The following INTS7 variants were observed in gnomAD, a reference collection of about 807,000 sequenced individuals.
INTS7 encodes chromosome 1 open reading frame 73.
Under a neutral mutation model 109.2 loss-of-function variants are expected in INTS7, and 46 were observed. The observed-to-expected ratio is 0.42, with a 90% CI of 0.33 to 0.54. INTS7 has a LOEUF of 0.54. INTS7 is among the 20% of genes least tolerant of loss of function. INTS7 has a pLI of 0.07. For missense variants in INTS7, 929 were observed against 1,132.4 expected (o/e 0.82, Z 2.58); for synonymous variants, 412 against 402.9 (o/e 1.02, Z -0.27).
intron 4 of INTS7, among the ~76,000 whole-genome samples, chr1:212,015,590 G>A (rs1666392379): frequency 6.6e-6 from 1 of 151,694 alleles, no homozygotes; most frequent in Admixed American, 6.6e-5. Context: ...AGGGTCCTCT[G>A]CCTAGGAAAA....
chr1:211,968,749 C>T (rs763731612), intron 13 of INTS7, 42 bp from the exon 14 acceptor site: 1 of 1,523,638 alleles, frequency 6.6e-7, no homozygotes, highest in Admixed American at 1.9e-5. Flanking sequence ...ACAAAGTAAA[C>T]AGAACAGTGA....
intron 1 of INTS7, among the ~76,000 whole-genome samples, chr1:212,032,230 G>A (rs1333343213): frequency 2.6e-5 from 4 of 151,976 alleles, no homozygotes; most frequent in Admixed American, 2.0e-4. Context: ...TCACCATCTC[G>A]GTCTAAGCCA....
chr1:212,023,565 C>T (rs1666798407), intron 1 of INTS7, among the ~76,000 whole-genome samples: 1 of 152,008 alleles, frequency 6.6e-6, no homozygotes, highest in East Asian at 1.9e-4. Flanking sequence ...AATGCTTTTT[C>T]ATGTCCTTTG....
chr1:211,944,745 TA>T (rs748585636), intron 19 of INTS7, 38 bp downstream of exon 19: 5 of 1,539,732 alleles, frequency 3.2e-6, no homozygotes, highest in Non-Finnish European at 4.5e-6. Flanking sequence ...TGAGCTCATA[TA>T]AAACCTGTAT....
At chr1:212,021,980 TTA>T (rs1294157145) in intron 1 of INTS7, among the ~76,000 whole-genome samples, 1 of 152,102 alleles carries the variant, frequency 6.6e-6, no homozygotes, top group Admixed American at 6.5e-5. Flanking sequence ...CAAGGAACAT[TTA>T]TAACATTGAA....
intron 3 of INTS7, among the ~76,000 whole-genome samples, chr1:212,017,558 T>C (rs1427024184): frequency 6.6e-6 from 1 of 152,206 alleles, no homozygotes; most frequent in African/African-American, 2.4e-5. Flanking sequence ...GTGCAGAAGG[T>C]AAAGCTTGGA....
chr1:212,021,739 T>C (rs1666718423), intron 1 of INTS7, among the ~76,000 whole-genome samples: 1 of 150,256 alleles, frequency 6.7e-6, no homozygotes, highest in South Asian at 2.1e-4. Flanking sequence ...ACCCAGCTAC[T>C]GAGGAGGCTG....
intron 13 of INTS7, among the ~76,000 whole-genome samples, chr1:211,973,899 G>T (rs974202752): frequency 9.2e-5 from 14 of 152,228 alleles, no homozygotes; most frequent in African/African-American, 3.1e-4. Context: ...CCAAAGTCAC[G>T]CTGTGTTAAT....
chr1:211,963,439 T>G (rs1571854235), intron 16 of INTS7, among the ~76,000 whole-genome samples: 1 of 152,042 alleles, frequency 6.6e-6, no homozygotes, highest in African/African-American at 2.4e-5. Flanking sequence ...CCAGTCCTAC[T>G]GAAGCTTTTC....
In INTS7 at chr1:211,978,327, A is replaced by C. The variant is rs770991873; in HGVS notation, c.1415T>G (p.Met472Arg). ...VLGDGMLGDL[M>R]ELYKVIGRSA... is the part of the protein sequence containing the mutation. ...TCGTCCAATCACCTTGTACAGCTCC[A>C]TGAGGTCACCAAGCATCCCATCACC... The change falls in exon 11 of 20, where the codon ATG (methionine) becomes AGG (arginine). Residue 472 changes from methionine to arginine, a missense_variant. By Grantham distance (91) the Met-to-Arg change is moderately conservative. Around this residue, in one of 2 missense-constraint regions of INTS7, gnomAD observed 787 missense variants for 901.1 expected, o/e 0.87. Transcript: ENST00000366994. 1 of 1,614,168 alleles carries C rather than the reference A, an allele frequency of 6.2e-7. No individual in the cohort carries two copies. Among genetic ancestry groups the C allele is most frequent in the Non-Finnish European group, 8.5e-7 (1 of 1,179,994 alleles).
chr1:212,024,975 C>T (rs984936378), intron 1 of INTS7, among the ~76,000 whole-genome samples: 3 of 152,170 alleles, frequency 2.0e-5, no homozygotes, highest in Non-Finnish European at 2.9e-5. Flanking sequence ...ATCCTAAATG[C>T]GCAACTAGAC....
chr1:212,012,371 GA>G (rs899870553), intron 4 of INTS7, among the ~76,000 whole-genome samples: 25 of 151,996 alleles, frequency 1.6e-4, no homozygotes, highest in African/African-American at 6.0e-4. Context: ...ACAGATACTA[GA>G]AAAAAAATCC....
intron 1 of INTS7, among the ~76,000 whole-genome samples, chr1:212,028,284 T>G (rs1667015242): frequency 1.3e-5 from 2 of 152,258 alleles, no homozygotes; most frequent in Admixed American, 1.3e-4. Flanking sequence ...TCGAACACAC[T>G]GTCAAGTTTT....
intron 7 of INTS7, among the ~76,000 whole-genome samples, chr1:211,993,119 GA>G (rs1346029358): frequency 6.6e-6 from 1 of 152,154 alleles, no homozygotes; most frequent in Non-Finnish European, 1.5e-5. Flanking sequence ...TTAAAGTAAA[GA>G]AAAATGTTAT....
chr1:212,034,187 G>A (rs1667308760), intron 1 of INTS7, among the ~76,000 whole-genome samples: 1 of 151,980 alleles, frequency 6.6e-6, no homozygotes, highest in African/African-American at 2.4e-5. Flanking sequence ...TAATTTTCTT[G>A]GTTGATGGGG....
intron 4 of INTS7, 134 bp downstream of exon 4, chr1:212,016,752 C>G: frequency 1.5e-6 from 1 of 678,724 alleles, no homozygotes; most frequent in South Asian, 2.0e-5. Flanking sequence ...TAAGGTAAAC[C>G]TTCTTGGAAA....
At chr1:211,999,871 G>A (rs762658064) in intron 7 of INTS7, among the ~76,000 whole-genome samples, 25 of 152,094 alleles carry the variant, frequency 1.6e-4, no homozygotes, top group East Asian at 1.9e-4. Flanking sequence ...TAGGGAGGCC[G>A]AGGCACGTGG....
chr1:211,957,509 G>A (rs1233406853), intron 16 of INTS7, among the ~76,000 whole-genome samples: 1 of 152,128 alleles, frequency 6.6e-6, no homozygotes, highest in Non-Finnish European at 1.5e-5. Flanking sequence ...TCACACCACT[G>A]TACTCCAGCC....
At chr1:211,964,163 T>C (rs184956871) in intron 16 of INTS7, among the ~76,000 whole-genome samples, 30 of 152,080 alleles carry the variant, frequency 2.0e-4, no homozygotes, top group Non-Finnish European at 3.5e-4. Context: ...AAAATCAATA[T>C]AAAAAATCAC....
Sources: allele counts gnomAD v4.1 joint callset (sites outside exome capture counted in the v4.1 genomes callset), GRCh38; gene constraint gnomAD v4.1.1; regional missense constraint gnomAD v4.1.1; transcripts MANE v1.5; gene names NCBI Gene and HGNC (gene_info 2026-07-23, HGNC 2026-07-21).